Variants in TBC1D1 observed in about 807,000 individuals in gnomAD.
The protein encoded by TBC1D1 is TBC1 (tre-2/USP6, BUB2, cdc16) domain family, member 1.
A neutral mutation model predicts 125.6 loss-of-function variants in TBC1D1; 89 were observed. The ratio of observed to expected loss-of-function variants is 0.71; its 90% CI spans 0.60 to 0.85. The LOEUF is 0.85. TBC1D1 is among the 40% of genes least tolerant of loss of function. The probability of loss-of-function intolerance (pLI) is 0.00; values close to 1 mark genes in which losing one functional copy is unlikely to be tolerated. For synonymous variants in TBC1D1, 565 were observed against 564.1 expected (o/e 1.00, Z -0.02); for missense variants, 1,377 against 1,469.2 (o/e 0.94, Z 1.03).
chr4:38,118,263 C>T (rs1430969906), intron 17 of TBC1D1, 71 bp downstream of exon 19: 7 of 1,535,626 alleles, frequency 4.6e-6, no homozygotes, highest in African/African-American at 4.1e-5. Flanking sequence ...CCTGTCTCTC[C>T]GTGGTGATTC....
intron 6 of TBC1D1, among the ~76,000 whole-genome samples, chr4:38,024,724 C>CTAA (rs908557504): frequency 6.6e-6 from 1 of 152,114 alleles, no homozygotes; most frequent in African/African-American, 2.4e-5. Flanking sequence ...TATTGTATTC[C>CTAA]TAATAAGTAG....
At chr4:38,105,341 A>G (rs1328015403) in intron 15 of TBC1D1, among the ~76,000 whole-genome samples, 2 of 152,196 alleles carry the variant, frequency 1.3e-5, no homozygotes, top group Non-Finnish European at 2.9e-5. Flanking sequence ...GTTTCTCTTT[A>G]GAGTTGAGAA....
intron 2 of TBC1D1, among the ~76,000 whole-genome samples, chr4:37,988,517 A>G (rs1387698987): frequency 1.3e-5 from 2 of 152,256 alleles, no homozygotes; most frequent in African/African-American, 2.4e-5. Context: ...ATTTATCCAC[A>G]TAACACACTT....
chr4:38,013,741 T>C (rs1742016569), intron 2 of TBC1D1, among the ~76,000 whole-genome samples: 1 of 152,210 alleles, frequency 6.6e-6, no homozygotes, highest in Non-Finnish European at 1.5e-5. Flanking sequence ...AGATGAGGTC[T>C]TTTATTACAT....
rs146980638 is a variant in TBC1D1, at chr4:38,054,323, T to G, written c.2035T>G (p.Ser679Ala). 1.2e-6 allele frequency: 2 copies of G among 1,614,148 alleles called. No homozygotes were observed. The highest frequency in any genetic ancestry group is 3.3e-5 in the Admixed American group (2 of 60,022). ...CACCCCGCAGAAGGCGTGCGATTCTTCCAGCAGATATGAAGGTAAGGCCGG... is the reference window on the plus strand; with the variant it reads ...CACCCCGCAGAAGGCGTGCGATTCTGCCAGCAGATATGAAGGTAAGGCCGG... Residue 679 changes from serine to alanine, a missense_variant, in exon 12 of 20, where the codon TCC becomes GCC. By Grantham distance (99) the Ser-to-Ala change is moderately conservative. This residue lies in a region of TBC1D1 where 543 missense variants were observed against 613.5 expected (regional missense o/e 0.89). Transcript: ENST00000261439.
chr4:38,077,816 A>G (rs781532475), intron 12 of TBC1D1, among the ~76,000 whole-genome samples: 3 of 152,084 alleles, frequency 2.0e-5, no homozygotes, highest in Non-Finnish European at 4.4e-5. Flanking sequence ...ATTGCACTCC[A>G]TGATAATCCA....
chr4:37,988,350 G>A (rs1735873369), intron 2 of TBC1D1, among the ~76,000 whole-genome samples: 1 of 152,190 alleles, frequency 6.6e-6, no homozygotes, highest in African/African-American at 2.4e-5. Context: ...CCTTTGATAA[G>A]GAGGAAAGGG....
chr4:38,108,070 G>T (rs758895570), intron 15 of TBC1D1, among the ~76,000 whole-genome samples: 3 of 152,128 alleles, frequency 2.0e-5, no homozygotes, highest in Non-Finnish European at 2.9e-5. Flanking sequence ...GCATCCATTT[G>T]TCCAGCCCTC....
At chr4:38,023,380 T>C (rs1744458572) in intron 6 of TBC1D1, among the ~76,000 whole-genome samples, 1 of 152,260 alleles carries the variant, frequency 6.6e-6, no homozygotes, top group Non-Finnish European at 1.5e-5. Flanking sequence ...GTAACCTTTT[T>C]GTAAGCATGC....
chr4:37,933,572 G>A lies in TBC1D1; in HGVS notation c.417+31060G>A, dbSNP rs140663553. ...TATTATGTAAACTTTTAAAATCTGA[G>A]TTTCACCATTTGTAAACTGGGAAAA... is the stretch of plus-strand genomic sequence containing the variant. On this transcript the variant is annotated intron_variant, in intron 2 of 19. Coordinates refer to ENST00000261439, the MANE Select transcript of TBC1D1 (RefSeq NM_015173.4). Among the ~76,000 whole-genome samples, 406 of 152,032 alleles carry A rather than the reference G, an allele frequency of 2.7e-3. 1 individual carries two copies. Among genetic ancestry groups the A allele is most frequent in the African/African-American group, 7.4e-3 (308 of 41,450 alleles).
At chr4:37,961,125 T>C in intron 2 of TBC1D1, 3 of 1,430,402 alleles carry the variant, frequency 2.1e-6, no homozygotes, top group Non-Finnish European at 9.7e-7. Context: ...TACATAAATA[T>C]AAAGTGGGTC....
At position 37,912,632 on chromosome 4, in the gene TBC1D1, G is replaced by A. The variant is rs78247588; in HGVS notation, c.417+10120G>A. Among the ~76,000 whole-genome samples the A allele has an allele frequency of 5.4e-3, 827 of 152,278 alleles. 6 individuals are homozygous for A. Among genetic ancestry groups the A allele is most frequent in the African/African-American group, 0.018 (745 of 41,548 alleles). Reference sequence around the variant, plus strand: ...GTATTAAGAGGTGGGGTCTTTAAGAGATGATTAGGTCATGTGGGCTCCTCC... The same window carrying A: ...GTATTAAGAGGTGGGGTCTTTAAGAAATGATTAGGTCATGTGGGCTCCTCC... On this transcript the variant is annotated intron_variant, in intron 2 of 19. Coordinates refer to ENST00000261439, the MANE Select transcript of TBC1D1 (RefSeq NM_015173.4).
At chr4:38,136,949 C>T (rs1234772100) in intron 19 of TBC1D1, among the ~76,000 whole-genome samples, 186 bp from the exon 22 acceptor site, 1 of 152,098 alleles carries the variant, frequency 6.6e-6, no homozygotes, top group Non-Finnish European at 1.5e-5. Context: ...TTTTAAGGGC[C>T]TGGCCACCGA....
At position 37,905,973 on chromosome 4, in the gene TBC1D1, C is replaced by A. The variant is rs573616947; in HGVS notation, c.417+3461C>A. 3.5e-4 allele frequency among the ~76,000 whole-genome samples: 53 copies of A among 152,230 alleles called. 1 individual carries two copies. In the South Asian group the frequency reaches 1.0e-2, roughly 29 times the overall value. On this transcript the variant is annotated intron_variant, in intron 2 of 19. Transcript: ENST00000261439. ...GCACCCATCTAGTAAAACGTTTGCT[C>A]AGTGTTAATTTTTCATCCAGGATTG...
At chr4:37,906,943 T>C (rs574638378) in intron 2 of TBC1D1, among the ~76,000 whole-genome samples, 2 of 152,370 alleles carry the variant, frequency 1.3e-5, no homozygotes, top group South Asian at 4.1e-4. Flanking sequence ...ATATGTACTC[T>C]ATTAGAAATT....
chr4:38,050,852 GT>G (rs1400968528), intron 11 of TBC1D1, among the ~76,000 whole-genome samples: 1 of 152,200 alleles, frequency 6.6e-6, no homozygotes, highest in Non-Finnish European at 1.5e-5. Flanking sequence ...TCCCAGCTTT[GT>G]TTTCTGTCAG....
At chr4:38,115,685 C>T (rs1286258861) in intron 15 of TBC1D1, 25 bp from the exon 18 acceptor site, 2 of 1,589,200 alleles carry the variant, frequency 1.3e-6, no homozygotes, top group African/African-American at 1.4e-5. Context: ...TTTATTATTA[C>T]AACTAATATG....
intron 2 of TBC1D1, among the ~76,000 whole-genome samples, chr4:37,949,831 A>C (rs1360260596): frequency 6.6e-6 from 1 of 152,320 alleles, no homozygotes; most frequent in African/African-American, 2.4e-5. Flanking sequence ...CTATGTTCCA[A>C]TAAAACTTTA....
intron 10 of TBC1D1, 30 bp from the exon 11 acceptor site, chr4:38,049,588 G>GGGA: frequency 6.4e-7 from 1 of 1,568,326 alleles, no homozygotes; most frequent in Non-Finnish European, 8.6e-7. Flanking sequence ...TCCCCATGGT[G>GGGA]TGTCTGATCT....
Sources: gnomAD v4.1 joint callset for allele counts (sites outside exome capture counted in the v4.1 genomes callset) on GRCh38, gnomAD v4.1.1 for gene constraint, gnomAD v4.1.1 regional missense constraint, MANE v1.5 for transcripts, NCBI Gene and HGNC (gene_info 2026-07-23, HGNC 2026-07-21) for gene names.